Variants in ZNF140 observed in about 807,000 individuals in gnomAD.
ZNF140 encodes the protein zinc finger protein 140, also known as zinc finger protein 140 (clone pHZ-39).
A neutral mutation model predicts 12.9 loss-of-function variants in ZNF140; 13 were observed. That is an observed-to-expected ratio of 1.01 (90% CI 0.66 to 1.60). The LOEUF is 1.60. Among genes scored for constraint, ZNF140 ranks in the 40% most tolerant of loss-of-function variants. The probability of loss-of-function intolerance (pLI) is 0.00; values close to 1 mark genes in which losing one functional copy is unlikely to be tolerated. For synonymous variants in ZNF140, 214 were observed against 186.7 expected, an observed-to-expected ratio of 1.15 and a Z score of -1.19; for missense variants, 531 against 548.8, an observed-to-expected ratio of 0.97 and a Z score of 0.32.
intron 4 of ZNF140, among the ~76,000 whole-genome samples, chr12:133,095,812 C>T (rs1424594835): frequency 1.3e-5 from 2 of 152,138 alleles, no homozygotes; most frequent in African/African-American, 4.8e-5. Flanking sequence ...ATTTATGTTT[C>T]TCTCCACCCA....
chr12:133,083,007 A>G (rs946729419), intron 2 of ZNF140, 96 bp from the exon 3 acceptor site: 1 of 1,575,304 alleles, frequency 6.3e-7, no homozygotes, highest in Non-Finnish European at 8.7e-7. Flanking sequence ...ACTTAGACAC[A>G]TTGCCTAACC....
intron 4 of ZNF140, among the ~76,000 whole-genome samples, chr12:133,095,775 C>A (rs200900660): frequency 3.5e-5 from 5 of 142,556 alleles, no homozygotes; most frequent in Non-Finnish European, 6.0e-5. Flanking sequence ...AGGGAAGGTA[C>A]TATGCCTGGA....
intron 4 of ZNF140, among the ~76,000 whole-genome samples, chr12:133,090,964 G>T (rs199996910): frequency 0.063 from 8,803 of 140,806 alleles, 213 homozygotes; most frequent in South Asian, 0.13. Context: ...GGGCGGTTTT[G>T]CTACTATCTC....
At position 133,081,348 on chromosome 12, in the gene ZNF140, A is replaced by AATACATATATATAT. The variant is rs1555291954; in HGVS notation, c.9+22_9+23insCATATATATATATA. ...GTCTCAGGTAAGCTAATGATTGATA[A>AATACATATATATAT]ATATATATATATATATATATATAAA... On this transcript the variant is annotated intron_variant, in intron 2 of 4. Coordinates refer to ENST00000355557, the MANE Select transcript of ZNF140 (RefSeq NM_003440.4). The AATACATATATATAT allele has an allele frequency of 3.2e-6, 1 of 311,778 alleles. No homozygotes were observed. The highest frequency in any genetic ancestry group is 6.0e-6 in the Non-Finnish European group (1 of 167,694). 19.3% of individuals were successfully genotyped at this position (311,778 alleles called of 1,614,324 possible).
intron 4 of ZNF140, among the ~76,000 whole-genome samples, chr12:133,085,218 T>C (rs1954637093): frequency 6.6e-6 from 1 of 152,052 alleles, no homozygotes; most frequent in South Asian, 2.1e-4. Context: ...AGAGATGGGG[T>C]TTCACCATGT....
At chr12:133,096,753 CT>C (rs1955144104) in intron 4 of ZNF140, among the ~76,000 whole-genome samples, 1 of 152,136 alleles carries the variant, frequency 6.6e-6, no homozygotes, top group Non-Finnish European at 1.5e-5. Flanking sequence ...GATTTCTATT[CT>C]TTGAAATTTG....
At chr12:133,104,179 G>A (rs1955478140) in intron 4 of ZNF140, among the ~76,000 whole-genome samples, 1 of 152,148 alleles carries the variant, frequency 6.6e-6, no homozygotes, top group African/African-American at 2.4e-5. Context: ...TTATGTAAAA[G>A]TTATAAGAAT....
rs1218488166 is a variant in ZNF140 at position 133,083,628 on chromosome 12, A to T, written c.232+67A>T. ...CTCAATTAGTCAATGAAAAAGGAAT[A>T]CTTTTTAATATGTTGATTGGAAAAT... On this transcript the variant is annotated intron_variant, in intron 4 of 4. Transcript: ENST00000355557. 4 of 1,433,728 alleles carry T rather than the reference A, an allele frequency of 2.8e-6. No individual in the cohort carries two copies. In the Admixed American group the frequency reaches 5.8e-5, roughly 21 times the overall value. The allele number at this position is 1,433,728 out of a possible 1,614,324, so 88.8% of individuals were successfully genotyped here.
intron 4 of ZNF140, among the ~76,000 whole-genome samples, chr12:133,090,576 A>G (rs1954821139): frequency 6.6e-6 from 1 of 152,076 alleles, no homozygotes; most frequent in Non-Finnish European, 1.5e-5. Context: ...GGGTATTTCT[A>G]GTCGGGTGGG....
Position 133,091,205 on chromosome 12 carries a change from G to A in ZNF140, c.232+7644G>A, listed in dbSNP as rs924766270. On this transcript the variant is annotated intron_variant, in intron 4 of 4. Transcript: ENST00000355557. ...TGGGAGAAACCTTGGACAATACCCT[G>A]CTTTCAAGGGCAGAGGTCTCTGCGG... Among the ~76,000 whole-genome samples the A allele has an allele frequency of 4.8e-4, 72 of 150,676 alleles. 3 individuals carry two copies. In the East Asian group the frequency reaches 0.013, roughly 27 times the overall value.
At position 133,106,097 on chromosome 12, in the gene ZNF140, A is replaced by C. The variant is rs904638457; in HGVS notation, c.820A>C (p.Ile274Leu). The C allele has an allele frequency of 6.2e-7, 1 of 1,614,088 alleles. No individual in the cohort carries two copies. The highest frequency in any genetic ancestry group is 1.1e-5 in the South Asian group (1 of 91,072). Residue 274 changes from isoleucine (I) to leucine (L), a missense_variant, in exon 5 of 5, where the codon ATA becomes CTA. Physicochemically the swap from Ile to Leu is conservative, Grantham distance 5. Transcript: ENST00000355557. ...AATTCACATAGGAAAGAAACAATAT[A>C]TATGTAGGAAATGTGGTAAAGCATT... ...QRIHIGKKQY[I>L]CRKCGKAFSS...
At chr12:133,095,311 C>T (rs1955030141) in intron 4 of ZNF140, among the ~76,000 whole-genome samples, 1 of 151,032 alleles carries the variant, frequency 6.6e-6, no homozygotes, top group African/African-American at 2.5e-5. Context: ...GGCATATTTA[C>T]TTGCAGTTTG....
chr12:133,084,292 G>T, intron 4 of ZNF140: 1 of 329,274 alleles, frequency 3.0e-6, no homozygotes, highest in Non-Finnish European at 5.8e-6. Flanking sequence ...ACCTTGAAAA[G>T]ATTAATTCAT....
chr12:133,081,233 G>A, intron 1 of ZNF140, 40 bp from the exon 2 acceptor site: 2 of 1,104,018 alleles, frequency 1.8e-6, no homozygotes, highest in Non-Finnish European at 2.7e-6. Flanking sequence ...GCGCGGCCTA[G>A]CTGGCCTGTT....
rs372226434 is a variant in ZNF140, at chr12:133,106,094, T to C, written c.817T>C (p.Tyr273His). Residue 273 changes from tyrosine (Y) to histidine (H), a missense_variant, in exon 5 of 5, where the codon TAT becomes CAT. Coordinates refer to ENST00000355557, the MANE Select transcript of ZNF140 (RefSeq NM_003440.4). Reference sequence around the variant, plus strand: ...AAGAATTCACATAGGAAAGAAACAATATATATGTAGGAAATGTGGTAAAGC... The same window carrying C: ...AAGAATTCACATAGGAAAGAAACAACATATATGTAGGAAATGTGGTAAAGC... ...HQRIHIGKKQ[Y>H]ICRKCGKAFS... 4.3e-6 allele frequency: 7 copies of C among 1,613,918 alleles called. No homozygotes were observed. The African/African-American group carries it at 5.3e-5, about 12-fold the overall frequency.
chr12:133,083,652 A>AT, intron 4 of ZNF140, 91 bp downstream of exon 4: 1 of 1,290,456 alleles, frequency 7.7e-7, no homozygotes, highest in Non-Finnish European at 1.1e-6. Context: ...TGATTGGAAA[A>AT]TTTTCCCTTA....
chr12:133,101,134 G>T, intron 4 of ZNF140: 1 of 257,878 alleles, frequency 3.9e-6, no homozygotes. Flanking sequence ...AATTGTAGGG[G>T]TTTTTGTGAG....
At position 133,083,566 on chromosome 12, in the gene ZNF140, G is replaced by A; in HGVS notation, c.232+5G>A. ...TGAAAAGAGATCTGTTTTCAGGTGA[G>A]TGAGTTGGAAGCTGATGGGGAAATT... On this transcript the variant is annotated splice_donor_5th_base_variant and intron_variant, in intron 4 of 4. Coordinates refer to ENST00000355557, the MANE Select transcript of ZNF140 (RefSeq NM_003440.4). The A allele has an allele frequency of 1.2e-6, 2 of 1,611,962 alleles. No individual in the cohort carries two copies. The highest frequency in any genetic ancestry group is 1.7e-6 in the Non-Finnish European group (2 of 1,179,246).
At position 133,081,344 on chromosome 12, in the gene ZNF140, G is replaced by GATAA. The variant is rs1555291937; in HGVS notation, c.9+19_9+22dup. On this transcript the variant is annotated intron_variant, in intron 2 of 4. Coordinates refer to ENST00000355557, the MANE Select transcript of ZNF140 (RefSeq NM_003440.4). ...CTATGTCTCAGGTAAGCTAATGATT[G>GATAA]ATAAATATATATATATATATATATA... The GATAA allele has an allele frequency of 3.5e-4, 162 of 461,242 alleles. 2 individuals are homozygous for GATAA. In the Admixed American group the frequency reaches 3.6e-3, roughly 10 times the overall value. 28.6% of individuals were successfully genotyped at this position (461,242 alleles called of 1,614,324 possible).
Sources: allele counts gnomAD v4.1 joint callset (sites outside exome capture counted in the v4.1 genomes callset), GRCh38; gene constraint gnomAD v4.1.1; transcripts MANE v1.5; gene names NCBI Gene and HGNC (gene_info 2026-07-23, HGNC 2026-07-21).